SORCS3: variants seen among roughly 807,000 people sequenced by gnomAD.
SORCS3 encodes the protein VPS10 domain-containing receptor SorCS3.
SORCS3 carries 57 observed loss-of-function variants against 146.3 expected under a neutral mutation model. That is an observed-to-expected ratio of 0.39 (90% CI 0.31 to 0.49). SORCS3 has a LOEUF of 0.49. SORCS3 is among the 20% of genes least tolerant of loss of function. SORCS3 has a pLI of 0.92. For synonymous variants in SORCS3, 653 were observed against 618.5 expected, an observed-to-expected ratio of 1.06 and a Z score of -0.83; for missense variants, 1,341 against 1,575.5, an observed-to-expected ratio of 0.85 and a Z score of 2.52.
chr10:104,970,543 C>A (rs973995265), intron 3 of SORCS3, among the ~76,000 whole-genome samples: 7 of 152,182 alleles, frequency 4.6e-5, no homozygotes, highest in Admixed American at 2.0e-4. Flanking sequence ...CCCGTTTCCC[C>A]TACCCCTACC....
chr10:104,655,769 T>C (rs911729909), intron 1 of SORCS3, among the ~76,000 whole-genome samples: 5 of 152,112 alleles, frequency 3.3e-5, no homozygotes, highest in Non-Finnish European at 7.3e-5. Context: ...GTGCAGTGCC[T>C]CCTGCCCCCA....
At chr10:105,239,283 T>G (rs1170026408) in intron 20 of SORCS3, among the ~76,000 whole-genome samples, 47 of 152,196 alleles carry the variant, frequency 3.1e-4, no homozygotes, top group Non-Finnish European at 1.5e-5. Context: ...TATAATCTGC[T>G]GAAGGTTTTA....
At position 104,968,804 on chromosome 10, in the gene SORCS3, G is replaced by A. The variant is rs572284707; in HGVS notation, c.796-8531G>A. Among the ~76,000 whole-genome samples the A allele has an allele frequency of 5.9e-5, 9 of 152,262 alleles. No individual in the cohort carries two copies. In the South Asian group the frequency reaches 1.9e-3, roughly 32 times the overall value. Reference sequence around the variant, plus strand: ...AGAAACATGCTATCACAGCTTTAGCGAGAGTCACATGTCTCATCCATAAAT... The same window carrying A: ...AGAAACATGCTATCACAGCTTTAGCAAGAGTCACATGTCTCATCCATAAAT... On this transcript the variant is annotated intron_variant, in intron 3 of 26. Coordinates refer to ENST00000369701, the MANE Select transcript of SORCS3 (RefSeq NM_014978.3).
At chr10:104,954,506 G>T (rs1193260290) in intron 3 of SORCS3, among the ~76,000 whole-genome samples, 1 of 152,176 alleles carries the variant, frequency 6.6e-6, no homozygotes, top group African/African-American at 2.4e-5. Flanking sequence ...TAGCATTTGA[G>T]CATGAGGGGG....
chr10:104,751,829 A>C (rs568527806), intron 1 of SORCS3, among the ~76,000 whole-genome samples: 1 of 149,624 alleles, frequency 6.7e-6, no homozygotes, highest in Non-Finnish European at 1.5e-5. Context: ...CTCTCCCACA[A>C]TGACCTTGTA....
intron 1 of SORCS3, among the ~76,000 whole-genome samples, chr10:104,657,837 ATTAT>A (rs2015651794): frequency 6.6e-6 from 1 of 152,188 alleles, no homozygotes; most frequent in Non-Finnish European, 1.5e-5. Flanking sequence ...GTTTTGACTG[ATTAT>A]TTAAAATATA....
chr10:105,142,703 GT>G (rs1033923386), intron 8 of SORCS3, among the ~76,000 whole-genome samples: 1 of 151,610 alleles, frequency 6.6e-6, no homozygotes, highest in Non-Finnish European at 1.5e-5. Flanking sequence ...GTTATTTCTA[GT>G]TTTTTTTTAC....
At position 105,042,699 on chromosome 10, in the gene SORCS3, A is replaced by C. The variant is rs185698196; in HGVS notation, c.955-356A>C. Among the ~76,000 whole-genome samples the C allele has an allele frequency of 5.9e-5, 9 of 152,316 alleles. No homozygotes were observed. In the South Asian group the frequency reaches 1.7e-3, roughly 28 times the overall value. On this transcript the variant is annotated intron_variant, in intron 4 of 26. Transcript: ENST00000369701. Reference sequence around the variant, plus strand: ...TGAAAGTAAAAGCATGATATTTTGCATGTAATATTGGCTCATATATCAGCT... The same window carrying C: ...TGAAAGTAAAAGCATGATATTTTGCCTGTAATATTGGCTCATATATCAGCT...
chr10:105,256,989 A>G (rs2056935432), intron 25 of SORCS3, 65 bp downstream of exon 25: 1 of 1,105,540 alleles, frequency 9.0e-7, no homozygotes. Context: ...TCTTCCTATA[A>G]CTAACTTTAC....
At chr10:105,226,513 T>C (rs929366602) in intron 20 of SORCS3, among the ~76,000 whole-genome samples, 2 of 151,974 alleles carry the variant, frequency 1.3e-5, no homozygotes, top group African/African-American at 2.4e-5. Flanking sequence ...TGGCCCATAG[T>C]TTTCTTTTTT....
At chr10:105,194,256 A>T (rs1422962748) in intron 14 of SORCS3, among the ~76,000 whole-genome samples, 1 of 152,164 alleles carries the variant, frequency 6.6e-6, no homozygotes, top group Non-Finnish European at 1.5e-5. Context: ...ACGTACCTTG[A>T]TAAAAGGATT....
At chr10:105,055,384 C>T (rs73340296) in intron 5 of SORCS3, among the ~76,000 whole-genome samples, 8,930 of 152,176 alleles carry the variant, frequency 0.059, 282 homozygotes, top group Middle Eastern at 0.088. Context: ...TAAGGATAAA[C>T]ACCTGCGGGG....
chr10:105,226,341 A>G, intron 20 of SORCS3, among the ~76,000 whole-genome samples: 1 of 152,008 alleles, frequency 6.6e-6, no homozygotes, highest in East Asian at 1.9e-4. Context: ...CACTCTATTG[A>G]TGCAATGTAC....
intron 1 of SORCS3, among the ~76,000 whole-genome samples, chr10:104,791,531 G>A (rs2017495499): frequency 6.6e-6 from 1 of 152,224 alleles, no homozygotes; most frequent in African/African-American, 2.4e-5. Context: ...GTTGATGGCA[G>A]CCCAGTGGTG....
intron 22 of SORCS3, among the ~76,000 whole-genome samples, chr10:105,248,548 T>C (rs1205179326): frequency 1.3e-5 from 2 of 152,168 alleles, no homozygotes; most frequent in Middle Eastern, 3.4e-3. Flanking sequence ...ACCCTGTCTC[T>C]ACTAAAAGTA....
intron 5 of SORCS3, among the ~76,000 whole-genome samples, chr10:105,049,196 C>A (rs2055394595): frequency 6.6e-6 from 1 of 152,072 alleles, no homozygotes; most frequent in Admixed American, 6.6e-5. Context: ...TTTTACTGAA[C>A]CTTTTCTTGA....
chr10:105,102,781 T>C (rs1177948366), intron 6 of SORCS3, among the ~76,000 whole-genome samples: 3 of 56,512 alleles, frequency 5.3e-5, no homozygotes, highest in Admixed American at 2.0e-4. Context: ...CCTCTCAACC[T>C]TTTTTTTTTT....
At chr10:104,776,837 A>G (rs960237592) in intron 1 of SORCS3, among the ~76,000 whole-genome samples, 4 of 151,942 alleles carry the variant, frequency 2.6e-5, no homozygotes, top group African/African-American at 9.7e-5. Context: ...TATCAGCTTT[A>G]ATAAAAATAC....
At chr10:105,168,358 C>T (rs186434828) in intron 13 of SORCS3, among the ~76,000 whole-genome samples, 12 of 152,162 alleles carry the variant, frequency 7.9e-5, no homozygotes, top group South Asian at 4.2e-4. Context: ...ACAACGATGA[C>T]GACAACTTGT....
Sources: gnomAD v4.1 joint callset for allele counts (sites outside exome capture counted in the v4.1 genomes callset) on GRCh38, gnomAD v4.1.1 for gene constraint, MANE v1.5 for transcripts, NCBI Gene and HGNC (gene_info 2026-07-23, HGNC 2026-07-21) for gene names.